Variants in PTPRD observed in about 807,000 individuals in gnomAD.
The protein encoded by PTPRD is protein tyrosine phosphatase receptor type D.
PTPRD carries 34 observed loss-of-function variants against 214.5 expected under a neutral mutation model. That is an observed-to-expected ratio of 0.16 (90% CI 0.12 to 0.21). The LOEUF (loss-of-function observed/expected upper bound fraction) is 0.21, where lower values mean the gene tolerates loss of function less well. Among genes scored for constraint, PTPRD ranks in the 10% least tolerant of loss-of-function variants. PTPRD has a pLI of 1.00. For missense variants in PTPRD, 2,545 were observed against 2,398.7 expected (o/e 1.06, Z -1.27); for synonymous variants, 1,128 against 845.7 (o/e 1.33, Z -5.79).
At chr9:8,433,562 G>C (rs2095196515) in intron 35 of PTPRD, among the ~76,000 whole-genome samples, 1 of 152,138 alleles carries the variant, frequency 6.6e-6, no homozygotes, top group Non-Finnish European at 1.5e-5. Context: ...TGATGATTCT[G>C]ACTCTGTGTA....
chr9:10,262,658 C>G (rs989574135), intron 3 of PTPRD, among the ~76,000 whole-genome samples: 1 of 152,162 alleles, frequency 6.6e-6, no homozygotes, highest in African/African-American at 2.4e-5. Context: ...TGCTGACCAG[C>G]TATATGAGCA....
chr9:9,967,817 C>T (rs557542238), intron 4 of PTPRD, among the ~76,000 whole-genome samples: 123 of 152,158 alleles, frequency 8.1e-4, no homozygotes, highest in Middle Eastern at 3.4e-3. Flanking sequence ...GAATTGTTAA[C>T]TCAAAATCCT....
intron 10 of PTPRD, among the ~76,000 whole-genome samples, chr9:9,082,548 C>G (rs569995165): frequency 2.0e-5 from 3 of 152,258 alleles, no homozygotes; most frequent in Admixed American, 2.0e-4. Flanking sequence ...GAAGTTCCGG[C>G]CAGGGAAATC....
At chr9:9,165,395 A>G (rs538763306) in intron 10 of PTPRD, among the ~76,000 whole-genome samples, 1 of 152,336 alleles carries the variant, frequency 6.6e-6, no homozygotes, top group African/African-American at 2.4e-5. Flanking sequence ...CGGAGAAACA[A>G]AGTCAGATGA....
intron 11 of PTPRD, among the ~76,000 whole-genome samples, chr9:8,983,007 G>A (rs2099321299): frequency 6.6e-6 from 1 of 151,950 alleles, no homozygotes; most frequent in East Asian, 1.9e-4. Flanking sequence ...ACAATGAGTT[G>A]AATCATACCA....
intron 3 of PTPRD, among the ~76,000 whole-genome samples, chr9:10,228,122 G>C (rs756801939): frequency 6.7e-6 from 1 of 149,576 alleles, no homozygotes; most frequent in Non-Finnish European, 1.5e-5. Flanking sequence ...AAAAAAGAGA[G>C]AGAAAATATC....
intron 34 of PTPRD, among the ~76,000 whole-genome samples, chr9:8,437,481 C>G (rs191276821): frequency 6.6e-6 from 1 of 152,160 alleles, no homozygotes; most frequent in East Asian, 1.9e-4. Context: ...ACATGCACCA[C>G]GACTCACTGA....
At chr9:9,897,936 A>G (rs1488832469) in intron 5 of PTPRD, among the ~76,000 whole-genome samples, 1 of 152,046 alleles carries the variant, frequency 6.6e-6, no homozygotes, top group Non-Finnish European at 1.5e-5. Flanking sequence ...ACGGCAGTGT[A>G]AAAAGGCCAC....
At chr9:9,031,000 T>C (rs1332145105) in intron 10 of PTPRD, among the ~76,000 whole-genome samples, 1 of 151,948 alleles carries the variant, frequency 6.6e-6, no homozygotes, top group Admixed American at 6.6e-5. Context: ...TCTGATATAA[T>C]GGTGGGACAT....
At chr9:8,670,812 A>G (rs1002734629) in intron 12 of PTPRD, among the ~76,000 whole-genome samples, 56 of 152,310 alleles carry the variant, frequency 3.7e-4, no homozygotes, top group African/African-American at 1.3e-3. Context: ...GTGAAATGCT[A>G]CAGAGAGGCG....
intron 8 of PTPRD, among the ~76,000 whole-genome samples, chr9:9,535,062 GA>G (rs1285762560): frequency 6.6e-6 from 1 of 152,020 alleles, no homozygotes; most frequent in Non-Finnish European, 1.5e-5. Flanking sequence ...TTTAAATATG[GA>G]AAAGTAGATT....
intron 3 of PTPRD, among the ~76,000 whole-genome samples, chr9:10,131,464 G>C (rs2098883121): frequency 6.6e-6 from 1 of 152,124 alleles, no homozygotes; most frequent in South Asian, 2.1e-4. Context: ...TTTGAAGTAT[G>C]TCTAAGATGC....
chr9:8,587,533 G>A (rs2093758612), intron 14 of PTPRD, among the ~76,000 whole-genome samples: 1 of 152,122 alleles, frequency 6.6e-6, no homozygotes, highest in South Asian at 2.1e-4. Flanking sequence ...AGTAAAATGA[G>A]TAAAATATAA....
chr9:9,618,059 G>A (rs1390568651), intron 7 of PTPRD, among the ~76,000 whole-genome samples: 3 of 75,040 alleles, frequency 4.0e-5, no homozygotes, highest in Admixed American at 2.0e-4. Context: ...GCGACAGAGC[G>A]AGACTCCATC....
chr9:10,126,068 CG>C (rs2098816933), intron 3 of PTPRD, among the ~76,000 whole-genome samples: 1 of 152,004 alleles, frequency 6.6e-6, no homozygotes, highest in African/African-American at 2.4e-5. Context: ...AAGCAATATA[CG>C]GAAGTTGTAT....
chr9:9,460,708 T>G (rs2093578117), intron 8 of PTPRD, among the ~76,000 whole-genome samples: 1 of 152,056 alleles, frequency 6.6e-6, no homozygotes. Flanking sequence ...AGGAAACACT[T>G]ATACACTGTT....
Position 10,586,535 on chromosome 9 carries a change from G to A in PTPRD, c.-600+25863C>T, listed in dbSNP as rs190279233. Among the ~76,000 whole-genome samples the A allele has an allele frequency of 7.2e-4, 110 of 152,138 alleles. 1 individual carries two copies. Among genetic ancestry groups the A allele is most frequent in the African/African-American group, 2.6e-3 (108 of 41,538 alleles). On this transcript the variant is annotated intron_variant, in intron 2 of 45. Transcript: ENST00000381196. ...AGTACCTTGTGAGACTAAATCTACC[G>A]CAGTTAGTCATGAGGGAAATAAATG...
chr9:10,084,351 A>C (rs1479169360), intron 3 of PTPRD, among the ~76,000 whole-genome samples: 1 of 151,986 alleles, frequency 6.6e-6, no homozygotes, highest in African/African-American at 2.4e-5. Flanking sequence ...TCAAATAATG[A>C]GGTACGCCAA....
At chr9:10,076,333 G>A (rs1178939828) in intron 3 of PTPRD, among the ~76,000 whole-genome samples, 1 of 152,058 alleles carries the variant, frequency 6.6e-6, no homozygotes, top group Admixed American at 6.6e-5. Context: ...TTAAGAGCGG[G>A]TGTAAACCTT....
Sources: gnomAD v4.1 joint callset for allele counts (sites outside exome capture counted in the v4.1 genomes callset) on GRCh38, gnomAD v4.1.1 for gene constraint, MANE v1.5 for transcripts, NCBI Gene and HGNC (gene_info 2026-07-23, HGNC 2026-07-21) for gene names.